Variants in PSTPIP2 observed in about 807,000 individuals in gnomAD.
PSTPIP2 encodes the protein proline-serine-threonine phosphatase interacting protein 2, also known as proline-serine-threonine phosphatase-interacting protein 2.
In PSTPIP2, 33 loss-of-function variants were observed where a neutral mutation model predicts 63.3. The observed-to-expected ratio is 0.52, with a 90% CI of 0.40 to 0.70. The LOEUF is 0.70. Among genes scored for constraint, PSTPIP2 ranks in the 30% least tolerant of loss-of-function variants. The probability of loss-of-function intolerance (pLI) is 0.00; values close to 1 mark genes in which losing one functional copy is unlikely to be tolerated. For missense variants in PSTPIP2, 312 were observed against 400.7 expected, an observed-to-expected ratio of 0.78 and a Z score of 1.89; for synonymous variants, 125 against 132.7, an observed-to-expected ratio of 0.94 and a Z score of 0.40.
intron 4 of PSTPIP2, among the ~76,000 whole-genome samples, chr18:46,011,559 G>C (rs2051797021): frequency 6.6e-6 from 1 of 152,094 alleles, no homozygotes; most frequent in African/African-American, 2.4e-5. Flanking sequence ...AGCAGCCAAA[G>C]TTCCATTTCA....
chr18:46,027,091 C>T (rs571511517), intron 2 of PSTPIP2, among the ~76,000 whole-genome samples: 2 of 151,692 alleles, frequency 1.3e-5, no homozygotes, highest in African/African-American at 2.4e-5. Context: ...GTCAAGAGTT[C>T]GAGACCAGCG....
intron 1 of PSTPIP2, among the ~76,000 whole-genome samples, chr18:46,069,982 G>T (rs967503446): frequency 6.6e-6 from 1 of 152,180 alleles, no homozygotes; most frequent in Non-Finnish European, 1.5e-5. Context: ...TGCTCTCTGT[G>T]TGTCAGGCAC....
At chr18:45,992,022 G>T in intron 11 of PSTPIP2, 39 bp from the exon 12 acceptor site, 1 of 1,595,702 alleles carries the variant, frequency 6.3e-7, no homozygotes, top group Non-Finnish European at 8.6e-7. Context: ...GAAGAGGCAG[G>T]CGTCTTTCAT....
intron 5 of PSTPIP2, chr18:46,010,919 C>G: frequency 2.6e-6 from 1 of 385,252 alleles, no homozygotes; most frequent in Non-Finnish European, 4.7e-6. Context: ...CATTCATAGT[C>G]TGAATAGCGG....
intron 2 of PSTPIP2, among the ~76,000 whole-genome samples, chr18:46,031,893 GC>G (rs1907798851): frequency 6.6e-6 from 1 of 152,146 alleles, no homozygotes; most frequent in Non-Finnish European, 1.5e-5. Flanking sequence ...ATCATGGTGT[GC>G]TTTTTGGAGA....
intron 2 of PSTPIP2, chr18:46,029,540 G>T (rs1907714475): frequency 1.2e-6 from 1 of 803,220 alleles, no homozygotes; most frequent in Non-Finnish European, 2.3e-6. Context: ...TCTAATTGTG[G>T]AGCAGTAAAT....
At chr18:46,042,593 C>T (rs946482372) in intron 1 of PSTPIP2, among the ~76,000 whole-genome samples, 1 of 152,144 alleles carries the variant, frequency 6.6e-6, no homozygotes, top group African/African-American at 2.4e-5. Flanking sequence ...CAAAGGCCTA[C>T]AGTAAAATTC....
At chr18:45,988,614 G>T in intron 14 of PSTPIP2, 88 bp downstream of exon 14, 2 of 1,158,130 alleles carry the variant, frequency 1.7e-6, no homozygotes, top group Non-Finnish European at 2.6e-6. Flanking sequence ...CTAGTTTGTG[G>T]TAGTGTTATA....
intron 3 of PSTPIP2, among the ~76,000 whole-genome samples, chr18:46,023,215 A>G (rs1357539681): frequency 6.6e-6 from 1 of 152,148 alleles, no homozygotes; most frequent in African/African-American, 2.4e-5. Context: ...AAATCCCCAT[A>G]ACACATGTTT....
intron 3 of PSTPIP2, among the ~76,000 whole-genome samples, chr18:46,018,318 G>A (rs1208480170): frequency 6.6e-6 from 1 of 152,050 alleles, no homozygotes; most frequent in African/African-American, 2.4e-5. Context: ...AAGAGAACTG[G>A]CTTATAATTA....
rs140041770 is a variant in PSTPIP2 at position 46,036,624 on chromosome 18, A to C, written c.134+3323T>G. Among the ~76,000 whole-genome samples, 665 of 152,336 alleles carry C rather than the reference A, an allele frequency of 4.4e-3. 7 individuals carry two copies. Among genetic ancestry groups the C allele is most frequent in the African/African-American group, 0.015 (626 of 41,580 alleles). On this transcript the variant is annotated intron_variant, in intron 2 of 14. Transcript: ENST00000409746. Reference sequence around the variant, plus strand: ...AGCAGCACACGGAGCGGCTCCTTGCACTGGGGTGATTGTTCTGTCCAACCC... The same window carrying C: ...AGCAGCACACGGAGCGGCTCCTTGCCCTGGGGTGATTGTTCTGTCCAACCC...
At chr18:46,036,715 G>A (rs1028467108) in intron 2 of PSTPIP2, among the ~76,000 whole-genome samples, 2 of 152,208 alleles carry the variant, frequency 1.3e-5, no homozygotes, top group African/African-American at 4.8e-5. Context: ...ATATTTCCTA[G>A]TTTCGGTAAT....
intron 2 of PSTPIP2, among the ~76,000 whole-genome samples, chr18:46,039,361 C>A (rs1442938568): frequency 2.0e-5 from 3 of 152,266 alleles, no homozygotes; most frequent in Admixed American, 1.3e-4. Context: ...GGCTTCACAG[C>A]TTTCCCACAG....
At chr18:45,998,278 G>A (rs1599701151) in intron 8 of PSTPIP2, among the ~76,000 whole-genome samples, 1 of 152,200 alleles carries the variant, frequency 6.6e-6, no homozygotes, top group Non-Finnish European at 1.5e-5. Context: ...CAGTCATGAG[G>A]GATATTTCCT....
intron 13 of PSTPIP2, 92 bp from the exon 14 acceptor site, chr18:45,988,851 T>C: frequency 1.9e-6 from 2 of 1,037,802 alleles, no homozygotes; most frequent in Admixed American, 1.9e-5. Context: ...CACTTACAGA[T>C]TCTGGTGTCT....
At chr18:46,069,837 C>T (rs1005591837) in intron 1 of PSTPIP2, among the ~76,000 whole-genome samples, 7 of 152,290 alleles carry the variant, frequency 4.6e-5, no homozygotes, top group Middle Eastern at 6.8e-3. Context: ...TTCTCCTCCT[C>T]CATCAATAGA....
At chr18:46,071,611 G>A (rs1205961416) in intron 1 of PSTPIP2, among the ~76,000 whole-genome samples, 2 of 152,174 alleles carry the variant, frequency 1.3e-5, no homozygotes, top group African/African-American at 2.4e-5. Flanking sequence ...GCAAAGGGAA[G>A]CCCTCTATGC....
chr18:45,990,815 T>C, intron 12 of PSTPIP2, 59 bp from the exon 13 acceptor site: 1 of 1,407,836 alleles, frequency 7.1e-7, no homozygotes, highest in Non-Finnish European at 9.9e-7. Flanking sequence ...TATAATCTTT[T>C]TACTTCTTGC....
intron 2 of PSTPIP2, chr18:46,028,940 A>G: frequency 1.5e-6 from 2 of 1,311,064 alleles, no homozygotes; most frequent in Non-Finnish European, 2.2e-6. Context: ...CAGCATGGTA[A>G]TGCTGAACGT....
Sources: gnomAD v4.1 joint callset for allele counts (sites outside exome capture counted in the v4.1 genomes callset) on GRCh38, gnomAD v4.1.1 for gene constraint, MANE v1.5 for transcripts, NCBI Gene and HGNC (gene_info 2026-07-23, HGNC 2026-07-21) for gene names.